ARHGEF3: variants seen among roughly 807,000 people sequenced by gnomAD.
ARHGEF3 encodes the protein Rho guanine nucleotide exchange factor 3.
A neutral mutation model predicts 63.2 loss-of-function variants in ARHGEF3; 28 were observed. The observed-to-expected ratio is 0.44, with a 90% confidence interval of 0.33 to 0.61. The LOEUF is 0.61. Among genes scored for constraint, ARHGEF3 ranks in the 20% least tolerant of loss-of-function variants. The pLI is 0.03. For missense variants in ARHGEF3, 533 were observed against 659.3 expected (o/e 0.81, Z 2.10); for synonymous variants, 266 against 254.2 (o/e 1.05, Z -0.44).
chr3:57,046,464 A>T (rs1704458094), intron 1 of ARHGEF3, among the ~76,000 whole-genome samples: 1 of 152,174 alleles, frequency 6.6e-6, no homozygotes, highest in South Asian at 2.1e-4. Flanking sequence ...TCTGACCCAA[A>T]TGTCAGCTGA....
At chr3:56,920,973 T>G (rs905404227) in intron 3 of ARHGEF3, among the ~76,000 whole-genome samples, 4 of 145,528 alleles carry the variant, frequency 2.7e-5, no homozygotes, top group Non-Finnish European at 5.9e-5. Flanking sequence ...GAGAATGATG[T>G]GAACCTGGGA....
intron 2 of ARHGEF3, among the ~76,000 whole-genome samples, chr3:56,987,109 G>C (rs1365998808): frequency 1.3e-5 from 2 of 152,172 alleles, no homozygotes; most frequent in Non-Finnish European, 2.9e-5. Context: ...CTACTAGGAA[G>C]GCTAAGATGG....
At chr3:57,059,401 T>C (rs536477702) in intron 1 of ARHGEF3, among the ~76,000 whole-genome samples, 93 of 151,628 alleles carry the variant, frequency 6.1e-4, no homozygotes, top group African/African-American at 2.2e-3. Flanking sequence ...AAACTCATAA[T>C]GTTTTTTAAA....
intron 2 of ARHGEF3, among the ~76,000 whole-genome samples, chr3:56,973,044 T>G (rs1578997352): frequency 6.9e-6 from 1 of 144,216 alleles, no homozygotes; most frequent in African/African-American, 2.6e-5. Context: ...TGAGATGGAG[T>G]CTCGCTCTGT....
chr3:56,730,592 G>A (rs561070241), intron 9 of ARHGEF3, among the ~76,000 whole-genome samples: 40 of 152,174 alleles, frequency 2.6e-4, no homozygotes, highest in African/African-American at 9.6e-4. Context: ...TGTTGGCTAG[G>A]CTGGTCTCGA....
At chr3:57,054,409 C>G (rs113696931) in intron 1 of ARHGEF3, among the ~76,000 whole-genome samples, 1 of 151,034 alleles carries the variant, frequency 6.6e-6, no homozygotes, top group African/African-American at 2.4e-5. Flanking sequence ...GTGGGCTGAT[C>G]GCTTGAGCCC....
At chr3:56,764,613 T>C (rs1029295551) in intron 2 of ARHGEF3, among the ~76,000 whole-genome samples, 17 of 152,158 alleles carry the variant, frequency 1.1e-4, no homozygotes, top group African/African-American at 3.9e-4. Flanking sequence ...TGATGAATCC[T>C]ATCTTGCAGA....
At chr3:57,033,583 C>T (rs1125011) in intron 2 of ARHGEF3, among the ~76,000 whole-genome samples, 69,858 of 151,622 alleles carry the variant, frequency 0.46, 16,334 homozygotes, top group African/African-American at 0.48. Context: ...TTTTGTTCTA[C>T]GTATCTAGAT....
rs575410988 is a variant in ARHGEF3 at position 56,755,248 on chromosome 3, T to C, written c.205-97A>G. 64 of 1,362,832 alleles carry C rather than the reference T, an allele frequency of 4.7e-5. No individual in the cohort carries two copies. In the South Asian group the frequency reaches 7.4e-4, roughly 16 times the overall value. 84.4% of individuals were successfully genotyped at this position (1,362,832 alleles called of 1,614,324 possible). A position where few individuals can be genotyped will look rare whatever the true frequency, so the allele number is the denominator to read the frequency against. On this transcript the variant is annotated intron_variant, in intron 2 of 9. Coordinates refer to ENST00000296315, the MANE Select transcript of ARHGEF3 (RefSeq NM_019555.3). ...TCGTTGACGGAACATAAATCATATATGTGAAAGAAAAAGAGGACATTGCCA... is the reference window on the plus strand; with the variant it reads ...TCGTTGACGGAACATAAATCATATACGTGAAAGAAAAAGAGGACATTGCCA...
intron 4 of ARHGEF3, among the ~76,000 whole-genome samples, chr3:56,839,324 G>A (rs1163831502): frequency 1.3e-5 from 2 of 151,756 alleles, no homozygotes; most frequent in Non-Finnish European, 2.9e-5. Context: ...TTTTTTTAAC[G>A]TTTTGGGTTT....
intron 2 of ARHGEF3, among the ~76,000 whole-genome samples, chr3:57,023,313 C>A (rs1703334826): frequency 6.6e-6 from 1 of 152,256 alleles, no homozygotes; most frequent in South Asian, 2.1e-4. Flanking sequence ...TTCATGAGTT[C>A]ACCTCTCTCC....
At chr3:56,828,170 T>A (rs2038801411) in intron 4 of ARHGEF3, among the ~76,000 whole-genome samples, 1 of 152,172 alleles carries the variant, frequency 6.6e-6, no homozygotes. Context: ...AAGGGTTAAG[T>A]GACTTGCTTA....
intron 4 of ARHGEF3, among the ~76,000 whole-genome samples, chr3:56,830,528 T>A (rs2038896083): frequency 6.6e-6 from 1 of 152,160 alleles, no homozygotes; most frequent in Admixed American, 6.5e-5. Flanking sequence ...TCTCACTGCA[T>A]TACAGCAGCC....
intron 2 of ARHGEF3, among the ~76,000 whole-genome samples, chr3:57,033,838 A>G (rs1309939394): frequency 6.6e-6 from 1 of 152,136 alleles, no homozygotes; most frequent in Admixed American, 6.5e-5. Flanking sequence ...TGAGGTCAAG[A>G]GTTCGAAACC....
intron 2 of ARHGEF3, among the ~76,000 whole-genome samples, chr3:56,965,206 G>C (rs1347111875): frequency 6.6e-6 from 1 of 152,086 alleles, no homozygotes; most frequent in Non-Finnish European, 1.5e-5. Flanking sequence ...AGTCAGGGAT[G>C]ATAATGTCAC....
At chr3:56,796,125 A>C (rs1251468397) in intron 1 of ARHGEF3, among the ~76,000 whole-genome samples, 1 of 152,226 alleles carries the variant, frequency 6.6e-6, no homozygotes, top group African/African-American at 2.4e-5. Flanking sequence ...AAATTATGGA[A>C]GGCAACTGCA....
intron 9 of ARHGEF3, among the ~76,000 whole-genome samples, chr3:56,730,905 T>C (rs1430450939): frequency 1.3e-5 from 2 of 152,214 alleles, no homozygotes; most frequent in African/African-American, 2.4e-5. Flanking sequence ...CTATTCTCCG[T>C]CCTTCAAATT....
chr3:56,938,233 G>C (rs551089374), intron 3 of ARHGEF3, among the ~76,000 whole-genome samples: 52 of 152,260 alleles, frequency 3.4e-4, no homozygotes, highest in African/African-American at 1.1e-3. Context: ...GAGAGCCTGA[G>C]TGGAGACTGA....
chr3:57,008,482 CT>C (rs5849184), intron 2 of ARHGEF3, among the ~76,000 whole-genome samples: 101 of 146,294 alleles, frequency 6.9e-4, no homozygotes, highest in South Asian at 1.1e-3. Context: ...ACGGACAAGC[CT>C]TTTTTTTTTT....
Sources: gnomAD v4.1 joint callset for allele counts (sites outside exome capture counted in the v4.1 genomes callset) on GRCh38, gnomAD v4.1.1 for gene constraint, MANE v1.5 for transcripts, NCBI Gene and HGNC (gene_info 2026-07-23, HGNC 2026-07-21) for gene names.